GIGYF2: variants seen among roughly 807,000 people sequenced by gnomAD.
The protein encoded by GIGYF2 is GRB10-interacting GYF protein 2.
GIGYF2 carries 25 observed loss-of-function variants against 208.1 expected under a neutral mutation model. The observed-to-expected ratio is 0.12, with a 90% CI of 0.09 to 0.17. The LOEUF (loss-of-function observed/expected upper bound fraction) is 0.17, where lower values mean the gene tolerates loss of function less well. GIGYF2 is among the 10% of genes least tolerant of loss of function. The probability of loss-of-function intolerance (pLI) is 1.00; values close to 1 mark genes in which losing one functional copy is unlikely to be tolerated. For missense variants in GIGYF2, 1,302 were observed against 1,579.4 expected, an observed-to-expected ratio of 0.82 and a Z score of 2.98; for synonymous variants, 534 against 543.8, an observed-to-expected ratio of 0.98 and a Z score of 0.25.
At chr2:232,747,868 T>C (rs1208036513) in intron 4 of GIGYF2, 124 bp downstream of exon 4, 2 of 904,938 alleles carry the variant, frequency 2.2e-6, no homozygotes, top group African/African-American at 3.3e-5. Context: ...CCACCTTAAC[T>C]GTTTCCCTGC....
chr2:232,733,257 CAAAAAA>C (rs397868481), intron 2 of GIGYF2, among the ~76,000 whole-genome samples: 1 of 91,206 alleles, frequency 1.1e-5, no homozygotes, highest in Non-Finnish European at 2.3e-5. Flanking sequence ...ACTCTTGTCT[CAAAAAA>C]AAAAAAAAAA....
At chr2:232,817,521 A>G (rs1369967061) in intron 20 of GIGYF2, among the ~76,000 whole-genome samples, 1 of 152,204 alleles carries the variant, frequency 6.6e-6, no homozygotes, top group Non-Finnish European at 1.5e-5. Flanking sequence ...GAAACTGCAT[A>G]TCCATTAAAC....
chr2:232,812,452 T>A lies in GIGYF2; in HGVS notation c.2068T>A (p.Ser690Thr). The A allele has an allele frequency of 6.5e-7, 1 of 1,548,858 alleles. No homozygotes were observed. Among genetic ancestry groups the A allele is most frequent in the East Asian group, 2.2e-5 (1 of 44,568 alleles). ...GTCTGTGTCCGTGCCAGATACTGGCTCTATCTGGGAGCTTCAGCCAACAGC... is the reference window on the plus strand; with the variant it reads ...GTCTGTGTCCGTGCCAGATACTGGCACTATCTGGGAGCTTCAGCCAACAGC... ...TRSVSVPDTG[S>T]IWELQPTASQ... is the part of the protein sequence containing the mutation. The change falls in exon 18 of 29, where the codon TCT becomes ACT. Residue 690 changes from serine to threonine, a missense_variant. Ser to Thr is a moderately conservative substitution (Grantham distance 58). Coordinates refer to ENST00000373563, the MANE Select transcript of GIGYF2 (RefSeq NM_001103146.3).
intron 3 of GIGYF2, among the ~76,000 whole-genome samples, chr2:232,745,036 G>T (rs190411740): frequency 6.6e-5 from 10 of 152,264 alleles, no homozygotes; most frequent in African/African-American, 2.2e-4. Flanking sequence ...CACTTCTTCA[G>T]TAAAGAGCCC....
chr2:232,701,985 A>T (rs1574757750), intron 1 of GIGYF2, among the ~76,000 whole-genome samples: 1 of 151,478 alleles, frequency 6.6e-6, no homozygotes, highest in Non-Finnish European at 1.5e-5. Flanking sequence ...ACAGAGAGAG[A>T]CCCCCATCTC....
chr2:232,776,317 A>G (rs964731046), intron 8 of GIGYF2: 3 of 676,808 alleles, frequency 4.4e-6, no homozygotes, highest in African/African-American at 3.6e-5. Context: ...TTACTATCCT[A>G]CACTATAGAT....
intron 8 of GIGYF2, chr2:232,767,279 A>G (rs1699013455): frequency 6.6e-6 from 1 of 152,152 alleles, no homozygotes; most frequent in Non-Finnish European, 1.5e-5. Flanking sequence ...CTCAAGTTAT[A>G]TCTAAGTAAA....
At position 232,806,685 on chromosome 2, in the gene GIGYF2, A is replaced by G. The variant is rs1700572126; in HGVS notation, c.1806+28A>G. 2.0e-6 allele frequency: 3 copies of G among 1,501,484 alleles called. No homozygotes were observed. Among genetic ancestry groups the G allele is most frequent in the Non-Finnish European group, 2.8e-6 (3 of 1,077,632 alleles). 93.0% of individuals were successfully genotyped at this position (1,501,484 alleles called of 1,614,324 possible). On this transcript the variant is annotated intron_variant, in intron 15 of 28. Transcript: ENST00000373563. This position sits in a 1 kb window ranked among gnomAD's most constrained non-coding sequence, Gnocchi z 4.0. ...AAGTACCTTTCACCTCACCTGGAATACATATTAGTCACGGAAACACTTGAT... is the reference window on the plus strand; with the variant it reads ...AAGTACCTTTCACCTCACCTGGAATGCATATTAGTCACGGAAACACTTGAT...
chr2:232,781,486 G>A (rs1699722533), intron 8 of GIGYF2, among the ~76,000 whole-genome samples: 1 of 152,088 alleles, frequency 6.6e-6, no homozygotes, highest in African/African-American at 2.4e-5. Flanking sequence ...AATTGGAAAT[G>A]TGTATTTTTG....
At chr2:232,856,516 C>G (rs1435664942) in intron 28 of GIGYF2, among the ~76,000 whole-genome samples, 1 of 151,910 alleles carries the variant, frequency 6.6e-6, no homozygotes, top group Non-Finnish European at 1.5e-5. Flanking sequence ...ATGGTGAAAC[C>G]CTATCTCTAC....
In GIGYF2 at chr2:232,818,942, C is replaced by T. The variant is rs184301962; in HGVS notation, c.2371-885C>T. On this transcript the variant is annotated intron_variant, in intron 20 of 28. Transcript: ENST00000373563. ...TCTTTGCTTAAGGATTTATAACCAG[C>T]GAGGTATATACTTTTAATATTTTTT... Among the ~76,000 whole-genome samples the T allele has an allele frequency of 1.3e-3, 200 of 152,040 alleles. 3 individuals are homozygous for T. Among genetic ancestry groups the T allele is most frequent in the African/African-American group, 4.5e-3 (187 of 41,474 alleles).
intron 14 of GIGYF2, among the ~76,000 whole-genome samples, chr2:232,804,874 T>C (rs543650833): frequency 6.6e-6 from 1 of 152,314 alleles, no homozygotes; most frequent in South Asian, 2.1e-4. Flanking sequence ...TTTTGAAGTA[T>C]ATTTTTGGGT....
At chr2:232,802,243 T>G (rs1293481027) in intron 14 of GIGYF2, among the ~76,000 whole-genome samples, 1 of 152,152 alleles carries the variant, frequency 6.6e-6, no homozygotes, top group Non-Finnish European at 1.5e-5. Flanking sequence ...GGATGCTTTT[T>G]TTTTTTCTTG....
In GIGYF2 at chr2:232,747,734, A is replaced by G; in HGVS notation, c.161A>G (p.Lys54Arg). The G allele has an allele frequency of 6.2e-7, 1 of 1,613,836 alleles. No individual in the cohort carries two copies. Among genetic ancestry groups the G allele is most frequent in the Non-Finnish European group, 8.5e-7 (1 of 1,179,834 alleles). The stretch of plus-strand genomic sequence containing the variant: ...GAAGAAATGTTAGCACTTTTCCTTA[A>G]AGACAACAAGGTAAGAAAGTAGGAA... ...GREEMLALFL[K>R]DNKIPSDLLD... The change falls in exon 4 of 29, where the codon AAA becomes AGA. Residue 54 changes from lysine to arginine, a missense_variant. Lys to Arg is a conservative substitution (Grantham distance 26). Around this residue, in one of 8 missense-constraint regions of GIGYF2, gnomAD observed 189 missense variants for 257.7 expected, o/e 0.73. Coordinates refer to ENST00000373563, the MANE Select transcript of GIGYF2 (RefSeq NM_001103146.3).
chr2:232,837,517 C>T (rs1229447683), intron 22 of GIGYF2, among the ~76,000 whole-genome samples: 1 of 152,108 alleles, frequency 6.6e-6, no homozygotes, highest in African/African-American at 2.4e-5. Flanking sequence ...TGCAGTGACA[C>T]GATCTCAGCT....
rs779231809 is a variant in GIGYF2 at position 232,798,940 on chromosome 2, TC to T, written c.1639+2721del. 1.8e-4 allele frequency among the ~76,000 whole-genome samples: 27 copies of T among 150,674 alleles called. 1 individual carries two copies. The highest frequency in any genetic ancestry group is 1.5e-3 in the Admixed American group (22 of 15,172). On this transcript the variant is annotated intron_variant, in intron 14 of 28. Coordinates refer to ENST00000373563, the MANE Select transcript of GIGYF2 (RefSeq NM_001103146.3). ...CATTAAACAATAGTTCCTCATTTCC[TC>T]CAGTCCCTGGCAATTACCATTGCCA...
chr2:232,781,260 G>A (rs2592104), intron 8 of GIGYF2, among the ~76,000 whole-genome samples: 103,551 of 149,876 alleles, frequency 0.69, 36,128 homozygotes, highest in East Asian at 0.88. Context: ...TGCCTGACCT[G>A]TTATTTATTT....
In GIGYF2 at chr2:232,816,951, A is replaced by G; in HGVS notation, c.2289A>G (p.Arg763=). The G allele has an allele frequency of 6.2e-7, 1 of 1,612,680 alleles. No individual in the cohort carries two copies. The highest frequency in any genetic ancestry group is 8.5e-7 in the Non-Finnish European group (1 of 1,178,648). The part of the protein sequence containing the change: ...EERKRQEELR[R]QQEEILRRQQ... ...GAAAGAGGCAGGAAGAACTCCGAAG[A>G]CAACAGGAGGAAATTCTTCGGCGAC... Residue 763 remains arginine (R), a synonymous_variant, in exon 20 of 29, where the codon AGA becomes AGG. Transcript: ENST00000373563.
intron 16 of GIGYF2, 25 bp downstream of exon 16, chr2:232,809,836 G>A: frequency 1.7e-6 from 2 of 1,194,324 alleles, no homozygotes; most frequent in Non-Finnish European, 2.5e-6. Context: ...GCAGTAGGAT[G>A]TACTGCAGCA....
Sources: allele counts gnomAD v4.1 joint callset (sites outside exome capture counted in the v4.1 genomes callset), GRCh38; gene constraint gnomAD v4.1.1; regional missense constraint gnomAD v4.1.1; non-coding constraint Gnocchi (gnomAD v3.1); transcripts MANE v1.5; gene names NCBI Gene and HGNC (gene_info 2026-07-23, HGNC 2026-07-21).